Variants in HPGDS observed in about 807,000 individuals in gnomAD.
HPGDS encodes the protein hematopoietic prostaglandin D synthase.
HPGDS carries 26 observed loss-of-function variants against 23.1 expected under a neutral mutation model. That is an observed-to-expected ratio of 1.13 (90% CI 0.83 to 1.56). The LOEUF (loss-of-function observed/expected upper bound fraction) is 1.56. Ranked by LOEUF, HPGDS falls within the 40% of genes most tolerant of loss-of-function variation. The probability of loss-of-function intolerance (pLI) is 0.00; values close to 1 mark genes in which losing one functional copy is unlikely to be tolerated. For missense variants in HPGDS, 268 were observed against 236.4 expected, an observed-to-expected ratio of 1.13 and a Z score of -0.88; for synonymous variants, 95 against 77.9, an observed-to-expected ratio of 1.22 and a Z score of -1.16.
At chr4:94,325,996 C>G (rs1192934018) in intron 2 of HPGDS, among the ~76,000 whole-genome samples, 1 of 149,212 alleles carries the variant, frequency 6.7e-6, no homozygotes, top group Non-Finnish European at 1.5e-5. Flanking sequence ...TTTTTTTCAG[C>G]ACTTTGAACA....
chr4:94,341,546 T>C (rs1318404994), intron 1 of HPGDS, among the ~76,000 whole-genome samples: 1 of 152,246 alleles, frequency 6.6e-6, no homozygotes, highest in African/African-American at 2.4e-5. Flanking sequence ...GAATTAAGTA[T>C]TGACCATTCT....
At chr4:94,310,529 T>A (rs184224265) in intron 3 of HPGDS, among the ~76,000 whole-genome samples, 35 of 152,354 alleles carry the variant, frequency 2.3e-4, no homozygotes, top group African/African-American at 7.0e-4. Flanking sequence ...GCTGTTTTGG[T>A]TACTGTAGCC....
At chr4:94,314,115 A>G (rs1489655474) in intron 3 of HPGDS, among the ~76,000 whole-genome samples, 1 of 152,026 alleles carries the variant, frequency 6.6e-6, no homozygotes, top group Non-Finnish European at 1.5e-5. Flanking sequence ...AAGTTTGATC[A>G]TCTGAAGCCT....
rs1306501772 is a variant in HPGDS, at chr4:94,299,379, G to C, written c.*101C>G. On this transcript the variant is annotated 3_prime_UTR_variant, in exon 6 of 6. Coordinates refer to ENST00000295256, the MANE Select transcript of HPGDS (RefSeq NM_014485.3). ...CTAAAGTGAAAATCTTAGTGGAGCTGGGGAGGGAGCATGTGGATTATCTGG... is the reference window on the plus strand; with the variant it reads ...CTAAAGTGAAAATCTTAGTGGAGCTCGGGAGGGAGCATGTGGATTATCTGG... The C allele has an allele frequency of 1.0e-6, 1 of 975,534 alleles. No individual in the cohort carries two copies. The highest frequency in any genetic ancestry group is 1.6e-5 in the African/African-American group (1 of 61,274). 60.4% of individuals were successfully genotyped at this position (975,534 alleles called of 1,614,324 possible).
At chr4:94,313,792 G>T (rs1271117368) in intron 3 of HPGDS, among the ~76,000 whole-genome samples, 2 of 151,816 alleles carry the variant, frequency 1.3e-5, no homozygotes, top group Admixed American at 1.3e-4. Context: ...ACGTAGATTT[G>T]GTCTTTTCAC....
chr4:94,342,637 G>A (rs1474501823), intron 1 of HPGDS, among the ~76,000 whole-genome samples, 158 bp downstream of exon 1: 5 of 152,174 alleles, frequency 3.3e-5, no homozygotes, highest in African/African-American at 1.2e-4. Flanking sequence ...CATATATGGA[G>A]AGGTTCTGGG....
At position 94,308,667 on chromosome 4, in the gene HPGDS, A is replaced by C. The variant is rs765730593; in HGVS notation, c.303T>G (p.Cys101Trp). Residue 101 changes from cysteine (C) to tryptophan (W), a missense_variant, in exon 4 of 6, where the codon TGT becomes TGG. Coordinates refer to ENST00000295256, the MANE Select transcript of HPGDS (RefSeq NM_014485.3). ...IVDTLDDFMS[C>W]FPWAEKKQDV... ...CTTGCTTTTTCTCTGCCCAAGGAAAACATGACATGAAATCATCCAGAGTGT... is the reference window on the plus strand; with the variant it reads ...CTTGCTTTTTCTCTGCCCAAGGAAACCATGACATGAAATCATCCAGAGTGT... 2 of 1,606,826 alleles carry C rather than the reference A, an allele frequency of 1.2e-6. No homozygotes were observed. Among genetic ancestry groups the C allele is most frequent in the African/African-American group, 1.3e-5 (1 of 74,818 alleles).
At chr4:94,337,898 A>G (rs1194172455) in intron 1 of HPGDS, among the ~76,000 whole-genome samples, 2 of 152,212 alleles carry the variant, frequency 1.3e-5, no homozygotes, top group Non-Finnish European at 2.9e-5. Flanking sequence ...GTAGCTATCT[A>G]TATTTCTCTG....
chr4:94,326,352 G>T (rs1756631603), intron 2 of HPGDS, among the ~76,000 whole-genome samples: 1 of 151,998 alleles, frequency 6.6e-6, no homozygotes, highest in Non-Finnish European at 1.5e-5. Flanking sequence ...TCAAACATTT[G>T]GGTGCTTTAT....
intron 1 of HPGDS, among the ~76,000 whole-genome samples, chr4:94,342,361 A>G (rs1032829762): frequency 1.3e-5 from 2 of 152,200 alleles, no homozygotes; most frequent in Non-Finnish European, 2.9e-5. Flanking sequence ...TTAAAATAAT[A>G]TAAAATATTA....
At chr4:94,304,671 A>G (rs1756107715) in intron 4 of HPGDS, among the ~76,000 whole-genome samples, 1 of 152,090 alleles carries the variant, frequency 6.6e-6, no homozygotes, top group Non-Finnish European at 1.5e-5. Context: ...TAGATAGTCT[A>G]TAGCTATCAG....
intron 2 of HPGDS, among the ~76,000 whole-genome samples, chr4:94,321,715 A>T (rs1560590975): frequency 6.6e-6 from 1 of 152,160 alleles, no homozygotes; most frequent in South Asian, 2.1e-4. Context: ...GAAAACAGGG[A>T]CAATTTGACT....
chr4:94,319,580 T>G (rs967005781), intron 2 of HPGDS, among the ~76,000 whole-genome samples: 1 of 152,194 alleles, frequency 6.6e-6, no homozygotes, highest in African/African-American at 2.4e-5. Flanking sequence ...AACTTTTGAT[T>G]TTTTCTCTTT....
chr4:94,326,533 T>C (rs1756634840), intron 2 of HPGDS, among the ~76,000 whole-genome samples: 1 of 152,180 alleles, frequency 6.6e-6, no homozygotes, highest in Non-Finnish European at 1.5e-5. Flanking sequence ...ATTCATTGAA[T>C]TCTTTAGCTC....
intron 3 of HPGDS, among the ~76,000 whole-genome samples, chr4:94,310,099 T>G (rs1196212511): frequency 2.0e-5 from 3 of 152,148 alleles, no homozygotes; most frequent in Non-Finnish European, 2.9e-5. Context: ...ACTCTGATGG[T>G]AGTTTCTTTT....
chr4:94,340,132 T>G (rs759702555), intron 1 of HPGDS, among the ~76,000 whole-genome samples: 1 of 151,550 alleles, frequency 6.6e-6, no homozygotes, highest in Non-Finnish European at 1.5e-5. Flanking sequence ...TTGTATTTTA[T>G]TTTTTAGTGG....
At chr4:94,336,218 AAAAG>A (rs202128388) in intron 1 of HPGDS, among the ~76,000 whole-genome samples, 1,654 of 151,602 alleles carry the variant, frequency 0.011, 24 homozygotes, top group African/African-American at 0.037. Context: ...AAAAAAAAAA[AAAAG>A]AAAGAAAGAA....
intron 2 of HPGDS, among the ~76,000 whole-genome samples, chr4:94,333,475 C>T (rs1198394310): frequency 6.6e-6 from 1 of 152,180 alleles, no homozygotes; most frequent in Non-Finnish European, 1.5e-5. Context: ...GGCAGATCAA[C>T]AAGAAACCTA....
chr4:94,325,776 T>C (rs552820817), intron 2 of HPGDS, among the ~76,000 whole-genome samples: 1 of 152,244 alleles, frequency 6.6e-6, no homozygotes, highest in Admixed American at 6.5e-5. Flanking sequence ...CAGCTTGCCC[T>C]CCGTGGGCTG....
Sources: gnomAD v4.1 joint callset for allele counts (sites outside exome capture counted in the v4.1 genomes callset) on GRCh38, gnomAD v4.1.1 for gene constraint, MANE v1.5 for transcripts, NCBI Gene and HGNC (gene_info 2026-07-23, HGNC 2026-07-21) for gene names.